Variants in NAB1 observed in about 807,000 individuals in gnomAD.
The protein encoded by NAB1 is NGFI-A-binding protein 1.
Under a neutral mutation model 49.9 loss-of-function variants are expected in NAB1, and 25 were observed. The observed-to-expected ratio is 0.50, with a 90% CI of 0.37 to 0.70. The LOEUF is 0.70. Among genes scored for constraint, NAB1 ranks in the 30% least tolerant of loss-of-function variants. The pLI is 0.00. For synonymous variants in NAB1, 198 were observed against 215.6 expected (o/e 0.92, Z 0.71); for missense variants, 489 against 575.9 (o/e 0.85, Z 1.54).
chr2:190,665,024 T>A (rs1044396759), intron 4 of NAB1, among the ~76,000 whole-genome samples: 1 of 152,208 alleles, frequency 6.6e-6, no homozygotes, highest in Non-Finnish European at 1.5e-5. Context: ...ATTTTCTTAA[T>A]GAAGGCCTAC....
At chr2:190,661,733 G>A (rs1255649672) in intron 4 of NAB1, among the ~76,000 whole-genome samples, 1 of 152,222 alleles carries the variant, frequency 6.6e-6, no homozygotes, top group African/African-American at 2.4e-5. Context: ...ATGAATGCCA[G>A]TAGGCTGAAA....
In NAB1 at chr2:190,677,050, T is replaced by C. The variant is rs1695109730; in HGVS notation, c.1005+3898T>C. 1 of 152,244 alleles carries C rather than the reference T, an allele frequency of 6.6e-6. No individual in the cohort carries two copies. The highest frequency in any genetic ancestry group is 2.1e-4 in the South Asian group (1 of 4,836). The allele number at this position is 152,244 out of a possible 1,614,324, so 9.4% of individuals were successfully genotyped here. ...CTGTGTTCAAGCTCAGTAAGATCTT[T>C]CGTTCCTAAATACTGTGTTTTCCTG... is the stretch of plus-strand genomic sequence containing the variant. On this transcript the variant is annotated intron_variant, in intron 6 of 9. Transcript: ENST00000337386. This position sits in a 1 kb window ranked among gnomAD's most constrained non-coding sequence, Gnocchi z 5.6.
intron 4 of NAB1, among the ~76,000 whole-genome samples, chr2:190,664,669 C>T (rs377390324): frequency 3.9e-4 from 49 of 125,386 alleles, no homozygotes; most frequent in African/African-American, 1.4e-3. Flanking sequence ...TGGGCTCAAG[C>T]GATCTATCTG....
At chr2:190,681,308 C>T (rs116547230) in intron 6 of NAB1, among the ~76,000 whole-genome samples, 1,648 of 152,152 alleles carry the variant, frequency 0.011, 20 homozygotes, top group Non-Finnish European at 0.016. Context: ...AAATGATAAC[C>T]GCTTATATTG....
At chr2:190,688,278 T>C (rs981417048) in intron 9 of NAB1, among the ~76,000 whole-genome samples, 20 of 152,222 alleles carry the variant, frequency 1.3e-4, no homozygotes, top group African/African-American at 4.3e-4. Context: ...ACATCTGTTA[T>C]CTAGATAGAA....
chr2:190,653,404 C>T (rs751255128), intron 2 of NAB1, among the ~76,000 whole-genome samples: 2 of 152,188 alleles, frequency 1.3e-5, no homozygotes, highest in African/African-American at 2.4e-5. Context: ...AGGTTTTTCA[C>T]ATTTTTTGTA....
In NAB1 at chr2:190,659,172, G is replaced by C. The variant is rs987503767; in HGVS notation, c.-5G>C. 6.3e-7 allele frequency: 1 copy of C among 1,597,718 alleles called. No individual in the cohort carries two copies. Among genetic ancestry groups the C allele is most frequent in the Non-Finnish European group, 8.5e-7 (1 of 1,170,212 alleles). ...TTTTTTGGCAGGTTAAACCCATCCA[G>C]AGTAATGGCTGCGGCCTTACCCAGG... On this transcript the variant is annotated 5_prime_UTR_variant, in exon 4 of 10. Transcript: ENST00000337386. The surrounding 1 kb of genome is among the most constrained non-coding windows in gnomAD (Gnocchi z 6.2).
intron 4 of NAB1, 61 bp downstream of exon 4, chr2:190,660,056 T>A: frequency 6.8e-7 from 1 of 1,466,552 alleles, no homozygotes; most frequent in Non-Finnish European, 9.3e-7. Context: ...TCGTTAGAGA[T>A]AAATTTGGTA....
chr2:190,680,032 A>G lies in NAB1; in HGVS notation c.1006-3706A>G, dbSNP rs761185932. On this transcript the variant is annotated intron_variant, in intron 6 of 9. Transcript: ENST00000337386. This position sits in a 1 kb window ranked among gnomAD's most constrained non-coding sequence, Gnocchi z 5.2. The stretch of plus-strand genomic sequence containing the variant: ...TGAGTTCCTTATTCTAGAGAATGTC[A>G]TAACCAAACTCTCAGTTGCCTTATT... Among the ~76,000 whole-genome samples the G allele has an allele frequency of 6.6e-6, 1 of 152,166 alleles. No homozygotes were observed. The highest frequency in any genetic ancestry group is 6.5e-5 in the Admixed American group (1 of 15,284).
chr2:190,650,785 T>A (rs917171763), intron 2 of NAB1, among the ~76,000 whole-genome samples: 2 of 152,310 alleles, frequency 1.3e-5, no homozygotes, highest in African/African-American at 4.8e-5. Context: ...CAATATTATC[T>A]TTAAGTTTAA....
intron 2 of NAB1, chr2:190,653,922 T>C (rs1693795071): frequency 6.6e-6 from 1 of 152,112 alleles, no homozygotes; most frequent in Non-Finnish European, 1.5e-5. Flanking sequence ...AGAAGAAGTA[T>C]TAAGGATGAG....
intron 3 of NAB1, among the ~76,000 whole-genome samples, chr2:190,658,634 C>T (rs988067858): frequency 6.6e-6 from 1 of 152,192 alleles, no homozygotes; most frequent in African/African-American, 2.4e-5. Flanking sequence ...ATCTATCTTC[C>T]TCTGCCTGCC....
chr2:190,688,211 G>T (rs1358612977), intron 9 of NAB1, among the ~76,000 whole-genome samples: 1 of 152,176 alleles, frequency 6.6e-6, no homozygotes, highest in East Asian at 1.9e-4. Flanking sequence ...CTCCAAATTT[G>T]CATTGTAAGT....
intron 4 of NAB1, among the ~76,000 whole-genome samples, chr2:190,664,813 TG>T (rs768529318): frequency 7.9e-4 from 120 of 152,138 alleles, no homozygotes; most frequent in Non-Finnish European, 1.3e-3. Context: ...TTATAAATAC[TG>T]ATCAGTTGGA....
Position 190,679,427 on chromosome 2 carries a change from CTTTTA to C in NAB1, c.1006-4307_1006-4303del, listed in dbSNP as rs1415606623. Among the ~76,000 whole-genome samples the C allele has an allele frequency of 1.3e-5, 2 of 152,096 alleles. No individual in the cohort carries two copies. Among genetic ancestry groups the C allele is most frequent in the Non-Finnish European group, 1.5e-5 (1 of 68,012 alleles). ...ATTGTTATTTATTACTTATTTTAGG[CTTTTA>C]TTTATCTTTATTAATGGTGGAATAG... On this transcript the variant is annotated intron_variant, in intron 6 of 9. Transcript: ENST00000337386. The surrounding 1 kb of genome is among the most constrained non-coding windows in gnomAD (Gnocchi z 5.3).
At chr2:190,672,193 T>A (rs1290364672) in intron 5 of NAB1, among the ~76,000 whole-genome samples, 1 of 152,124 alleles carries the variant, frequency 6.6e-6, no homozygotes, top group Admixed American at 6.5e-5. Context: ...TGGTATTGAA[T>A]TGTGTGGATG....
rs1158700590 is a variant in NAB1 at position 190,680,150 on chromosome 2, T to C, written c.1006-3588T>C. On this transcript the variant is annotated intron_variant, in intron 6 of 9. Coordinates refer to ENST00000337386, the MANE Select transcript of NAB1 (RefSeq NM_005966.4). The surrounding 1 kb of genome is among the most constrained non-coding windows in gnomAD (Gnocchi z 5.2). ...CCACCCTGAACTCCCCTCCTCCGCG[T>C]ACATTCTCCCCATCACATTCACATG... 6.6e-6 allele frequency among the ~76,000 whole-genome samples: 1 copy of C among 152,206 alleles called. No homozygotes were observed. The highest frequency in any genetic ancestry group is 2.4e-5 in the African/African-American group (1 of 41,466).
chr2:190,672,595 G>A (rs1694868602), intron 5 of NAB1, among the ~76,000 whole-genome samples: 1 of 152,084 alleles, frequency 6.6e-6, no homozygotes, highest in Non-Finnish European at 1.5e-5. Flanking sequence ...GGTCATTTTA[G>A]TCATTTTATC....
Position 190,680,178 on chromosome 2 carries a change from A to T in NAB1, c.1006-3560A>T, listed in dbSNP as rs1414320740. Among the ~76,000 whole-genome samples the T allele has an allele frequency of 6.6e-6, 1 of 152,124 alleles. No individual in the cohort carries two copies. Among genetic ancestry groups the T allele is most frequent in the African/African-American group, 2.4e-5 (1 of 41,430 alleles). On this transcript the variant is annotated intron_variant, in intron 6 of 9. Coordinates refer to ENST00000337386, the MANE Select transcript of NAB1 (RefSeq NM_005966.4). This position sits in a 1 kb window ranked among gnomAD's most constrained non-coding sequence, Gnocchi z 5.2. Reference sequence around the variant, plus strand: ...ATTCTCCCCATCACATTCACATGTGATGGGCTTTCTGAAATGCAAATCCGA... The same window carrying T: ...ATTCTCCCCATCACATTCACATGTGTTGGGCTTTCTGAAATGCAAATCCGA...
Sources: allele counts gnomAD v4.1 joint callset (sites outside exome capture counted in the v4.1 genomes callset), GRCh38; gene constraint gnomAD v4.1.1; non-coding constraint Gnocchi (gnomAD v3.1); transcripts MANE v1.5; gene names NCBI Gene and HGNC (gene_info 2026-07-23, HGNC 2026-07-21).